The following EIF5B variants were observed in gnomAD, a reference collection of about 807,000 sequenced individuals.
The protein encoded by EIF5B is eukaryotic translation initiation factor 5B.
In EIF5B, 47 loss-of-function variants were observed where a neutral mutation model predicts 147.5. The ratio of observed to expected loss-of-function variants is 0.32; its 90% CI spans 0.25 to 0.41. EIF5B has a LOEUF of 0.41. Among genes scored for constraint, EIF5B ranks in the 10% least tolerant of loss-of-function variants. EIF5B has a pLI of 1.00. For missense variants in EIF5B, 1,064 were observed against 1,413.2 expected (o/e 0.75, Z 3.96); for synonymous variants, 455 against 456.2 (o/e 1.00, Z 0.03).
Position 99,389,788 on chromosome 2 carries a change from A to G in EIF5B, c.2342A>G (p.Lys781Arg), listed in dbSNP as rs1473908510. ...DVAATLKKQKKNTKDEFEERA... is the reference protein window; with the variant it reads ...DVAATLKKQKRNTKDEFEERA... ...GCTGCTACTTTAAAGAAGCAGAAAA[A>G]GAATACAAAAGATGAATTTGAGGAG... The change falls in exon 15 of 24, where the codon AAG becomes AGG. Residue 781 changes from lysine to arginine, a missense_variant. This residue lies in a region of EIF5B where 380 missense variants were observed against 715.6 expected (regional missense o/e 0.53). Coordinates refer to ENST00000289371, the MANE Select transcript of EIF5B (RefSeq NM_015904.4). 1 of 1,613,598 alleles carries G rather than the reference A, an allele frequency of 6.2e-7. No individual in the cohort carries two copies. The highest frequency in any genetic ancestry group is 1.7e-5 in the Admixed American group (1 of 59,988).
At chr2:99,373,483 G>A (rs535430309) in intron 9 of EIF5B, among the ~76,000 whole-genome samples, 19 of 152,224 alleles carry the variant, frequency 1.2e-4, no homozygotes, top group Admixed American at 2.6e-4. Flanking sequence ...TTCTGCGGGC[G>A]TGAATCCATT....
At chr2:99,347,510 T>G (rs892320104) in intron 1 of EIF5B, among the ~76,000 whole-genome samples, 3 of 152,006 alleles carry the variant, frequency 2.0e-5, no homozygotes, top group African/African-American at 4.8e-5. Flanking sequence ...TTTCAGTTTT[T>G]TTTTTTTTTA....
intron 15 of EIF5B, 113 bp downstream of exon 15, chr2:99,389,962 A>G: frequency 1.4e-6 from 2 of 1,385,642 alleles, no homozygotes; most frequent in Non-Finnish European, 1.9e-6. Flanking sequence ...TGTTGACAGC[A>G]ATTACTTTTT....
chr2:99,377,452 T>G (rs1289706272), intron 10 of EIF5B, among the ~76,000 whole-genome samples: 1 of 151,312 alleles, frequency 6.6e-6, no homozygotes, highest in Admixed American at 6.6e-5. Flanking sequence ...CTTCCTTGTA[T>G]GATACCAAAC....
At chr2:99,394,194 AAC>A in intron 18 of EIF5B, 71 bp from the exon 19 acceptor site, 1 of 1,528,238 alleles carries the variant, frequency 6.5e-7, no homozygotes. Context: ...CAAAGAGAGA[AAC>A]ACAATTTAAT....
intron 1 of EIF5B, among the ~76,000 whole-genome samples, chr2:99,344,220 T>G (rs984978254): frequency 1.3e-5 from 2 of 152,132 alleles, no homozygotes; most frequent in Non-Finnish European, 2.9e-5. Context: ...GCACCCGGCC[T>G]GCATTCTTTT....
chr2:99,345,943 C>CAAAAAAAAAAAA (rs70940169), intron 1 of EIF5B, among the ~76,000 whole-genome samples: 1 of 137,042 alleles, frequency 7.3e-6, no homozygotes. Context: ...GACCCTGTCT[C>CAAAAAAAAAAAA]AAAAAAAAAA....
At position 99,376,368 on chromosome 2, in the gene EIF5B, T is replaced by C. The variant is rs537529450; in HGVS notation, c.1574T>C (p.Ile525Thr). ...GTAGTAGAAGGAAACAAAGTTCATA[T>C]AGAAGTAAAAGAAAACCCTGAAGAG... ...TEKVEGNKVH[I>T]EVKENPEEEE... The change falls in exon 10 of 24, where the codon ATA becomes ACA. Residue 525 changes from isoleucine (I) to threonine (T), a missense_variant. Ile to Thr is a moderately conservative substitution (Grantham distance 89, BLOSUM62 -1). Transcript: ENST00000289371. 16 of 1,464,286 alleles carry C rather than the reference T, an allele frequency of 1.1e-5. No individual in the cohort carries two copies. The highest frequency in any genetic ancestry group is 1.0e-4 in the South Asian group (8 of 79,372). The allele number at this position is 1,464,286 out of a possible 1,614,324, so 90.7% of individuals were successfully genotyped here.
intron 1 of EIF5B, among the ~76,000 whole-genome samples, chr2:99,347,127 T>A (rs2094274960): frequency 6.6e-6 from 1 of 152,050 alleles, no homozygotes; most frequent in South Asian, 2.1e-4. Context: ...CACCTCAGCC[T>A]CCTGAGTATC....
chr2:99,393,597 C>G (rs1158574656), intron 18 of EIF5B, among the ~76,000 whole-genome samples: 1 of 152,054 alleles, frequency 6.6e-6, no homozygotes, highest in Non-Finnish European at 1.5e-5. Context: ...GTTCATTTGC[C>G]AAAGAGAAAA....
intron 1 of EIF5B, among the ~76,000 whole-genome samples, chr2:99,339,816 A>G (rs1053734273): frequency 6.6e-6 from 1 of 152,176 alleles, no homozygotes; most frequent in Non-Finnish European, 1.5e-5. Flanking sequence ...GGGATGCTGT[A>G]AAGTTTAAAT....
rs750211082 is a variant in EIF5B, at chr2:99,401,195, C to G, written c.*1781C>G. ...ATGCACTTTGCAAATACCTCACAAG[C>G]ACTTATGGCACAGCTATCAGAGAGC... On this transcript the variant is annotated 3_prime_UTR_variant, in exon 24 of 24. Transcript: ENST00000289371. The G allele has an allele frequency of 8.5e-7, 1 of 1,174,154 alleles. No homozygotes were observed. Among genetic ancestry groups the G allele is most frequent in the South Asian group, 1.2e-5 (1 of 81,028 alleles). 72.7% of individuals were successfully genotyped at this position (1,174,154 alleles called of 1,614,324 possible).
intron 1 of EIF5B, among the ~76,000 whole-genome samples, chr2:99,343,811 C>T (rs1333783742): frequency 6.6e-6 from 1 of 151,410 alleles, no homozygotes; most frequent in East Asian, 1.9e-4. Flanking sequence ...GAGACTCCAT[C>T]TCTAAAAATA....
chr2:99,345,350 T>G (rs1050882896), intron 1 of EIF5B, among the ~76,000 whole-genome samples: 1 of 152,100 alleles, frequency 6.6e-6, no homozygotes, highest in Non-Finnish European at 1.5e-5. Context: ...TGCAGAACTT[T>G]GGGAGGCCAT....
chr2:99,382,929 C>T lies in EIF5B; in HGVS notation c.2271+8C>T, dbSNP rs747370585. 1.3e-5 allele frequency: 20 copies of T among 1,555,694 alleles called. No homozygotes were observed. The highest frequency in any genetic ancestry group is 1.7e-4 in the Middle Eastern group (1 of 5,756). On this transcript the variant is annotated splice_region_variant and intron_variant, in intron 14 of 23. Transcript: ENST00000289371. ...ATTGTTGCACTCAATAAGGTATGTG[C>T]GCCTTCTGAAAAATTAACCTAGGAA...
intron 1 of EIF5B, among the ~76,000 whole-genome samples, chr2:99,338,858 A>G (rs959634698): frequency 6.6e-6 from 1 of 151,046 alleles, no homozygotes; most frequent in Non-Finnish European, 1.5e-5. Flanking sequence ...TGTATTAATT[A>G]CCTGCCTTCA....
At chr2:99,373,265 A>G (rs1003844973) in intron 9 of EIF5B, among the ~76,000 whole-genome samples, 1 of 152,332 alleles carries the variant, frequency 6.6e-6, no homozygotes, top group African/African-American at 2.4e-5. Context: ...CAGACTCAGT[A>G]GTACTAAAGA....
intron 14 of EIF5B, among the ~76,000 whole-genome samples, chr2:99,385,873 G>T (rs1022088340): frequency 6.6e-6 from 1 of 152,154 alleles, no homozygotes; most frequent in African/African-American, 2.4e-5. Context: ...TTACTTTGCA[G>T]TCATTCTGCT....
At chr2:99,368,726 C>A in intron 7 of EIF5B, 135 bp downstream of exon 7, 1 of 656,104 alleles carries the variant, frequency 1.5e-6, no homozygotes, top group Non-Finnish European at 2.6e-6. Flanking sequence ...AAACTTATTT[C>A]TTATTAATGC....
Sources: allele counts gnomAD v4.1 joint callset (sites outside exome capture counted in the v4.1 genomes callset), GRCh38; gene constraint gnomAD v4.1.1; regional missense constraint gnomAD v4.1.1; transcripts MANE v1.5; gene names NCBI Gene and HGNC (gene_info 2026-07-23, HGNC 2026-07-21).